The following CBFA2T2 variants were observed in gnomAD, a reference collection of about 807,000 sequenced individuals.
The protein encoded by CBFA2T2 is CBFA2/RUNX1 partner transcriptional co-repressor 2, also known as protein CBFA2T2.
A neutral mutation model predicts 62.2 loss-of-function variants in CBFA2T2; 11 were observed. The ratio of observed to expected loss-of-function variants is 0.18; its 90% CI spans 0.11 to 0.29. The LOEUF (loss-of-function observed/expected upper bound fraction) is 0.29, where lower values mean the gene tolerates loss of function less well. Among genes scored for constraint, CBFA2T2 ranks in the 10% least tolerant of loss-of-function variants. The pLI is 1.00. For missense variants in CBFA2T2, 592 were observed against 774.1 expected, an observed-to-expected ratio of 0.76 and a Z score of 2.79; for synonymous variants, 295 against 287.5, an observed-to-expected ratio of 1.03 and a Z score of -0.27.
At chr20:33,597,248 G>A (rs954993368) in intron 1 of CBFA2T2, among the ~76,000 whole-genome samples, 10 of 151,916 alleles carry the variant, frequency 6.6e-5, no homozygotes, top group African/African-American at 1.9e-4. Context: ...CCTCTATTTT[G>A]TATTTATTTT....
At chr20:33,498,672 C>A (rs573005924) in intron 1 of CBFA2T2, among the ~76,000 whole-genome samples, 1 of 152,158 alleles carries the variant, frequency 6.6e-6, no homozygotes, top group East Asian at 1.9e-4. Context: ...TCGCTTGAGC[C>A]CAGGTGTTGG....
At chr20:33,525,734 C>T (rs1243279410) in intron 1 of CBFA2T2, among the ~76,000 whole-genome samples, 3 of 152,160 alleles carry the variant, frequency 2.0e-5, no homozygotes, top group African/African-American at 7.2e-5. Flanking sequence ...TCATCGCAGC[C>T]TCGACCACCT....
At chr20:33,491,116 G>A (rs1198611167) in intron 1 of CBFA2T2, among the ~76,000 whole-genome samples, 9 of 152,098 alleles carry the variant, frequency 5.9e-5, no homozygotes, top group Non-Finnish European at 1.3e-4. Flanking sequence ...AGATCCTTGG[G>A]GGAGGGGTGG....
intron 1 of CBFA2T2, among the ~76,000 whole-genome samples, chr20:33,556,777 A>G (rs2012907445): frequency 1.3e-5 from 2 of 152,020 alleles, no homozygotes; most frequent in East Asian, 3.9e-4. Context: ...GCATTTACAT[A>G]TTGGCATTCT....
At chr20:33,491,663 T>C (rs1226805769) in intron 1 of CBFA2T2, among the ~76,000 whole-genome samples, 1 of 152,136 alleles carries the variant, frequency 6.6e-6, no homozygotes, top group Non-Finnish European at 1.5e-5. Flanking sequence ...TAGTGATTAC[T>C]CTTTTAGGCT....
intron 1 of CBFA2T2, among the ~76,000 whole-genome samples, chr20:33,556,536 G>C (rs1260073292): frequency 6.6e-6 from 1 of 152,078 alleles, no homozygotes; most frequent in African/African-American, 2.4e-5. Flanking sequence ...AAGTTGTCCT[G>C]TTTTTCATTA....
Position 33,629,861 on chromosome 20 carries a change from C to T in CBFA2T2, c.1175C>T (p.Thr392Ile). Residue 392 changes from threonine (T) to isoleucine (I), a missense_variant, in exon 8 of 11, where the codon ACC (threonine) becomes ATC (isoleucine). Physicochemically the swap from Thr to Ile is moderately conservative, Grantham distance 89 (BLOSUM62 -1). Transcript: ENST00000342704. ...AACACAGAGCTGAGGAAAACGGGGA[C>T]CGAGTTGGTCTCCAGGCAGCACAGC... The part of the protein sequence containing the change: ...NENTELRKTG[T>I]ELVSRQHSPG... 6.2e-7 allele frequency: 1 copy of T among 1,614,072 alleles called. No homozygotes were observed. Among genetic ancestry groups the T allele is most frequent in the Non-Finnish European group, 8.5e-7 (1 of 1,180,012 alleles).
At chr20:33,641,936 T>C (rs941874415) in intron 10 of CBFA2T2, among the ~76,000 whole-genome samples, 1 of 152,082 alleles carries the variant, frequency 6.6e-6, no homozygotes. Flanking sequence ...ATTTCAGTAT[T>C]GTACTGTCAC....
chr20:33,630,082 C>T (rs574402444), intron 8 of CBFA2T2, among the ~76,000 whole-genome samples, 168 bp downstream of exon 8: 85 of 152,122 alleles, frequency 5.6e-4, no homozygotes, highest in Admixed American at 3.5e-3. Flanking sequence ...ATATGAAGCC[C>T]CTGGCATGTT....
intron 3 of CBFA2T2, among the ~76,000 whole-genome samples, chr20:33,612,595 T>TA (rs938329663): frequency 6.6e-6 from 1 of 152,218 alleles, no homozygotes; most frequent in African/African-American, 2.4e-5. Flanking sequence ...TGCAAAATGA[T>TA]AAAACAGTGC....
At chr20:33,641,208 A>G (rs1297676220) in intron 10 of CBFA2T2, among the ~76,000 whole-genome samples, 1 of 151,916 alleles carries the variant, frequency 6.6e-6, no homozygotes, top group Non-Finnish European at 1.5e-5. Flanking sequence ...AATTTTTTGT[A>G]TTTTTAGTAG....
At chr20:33,497,274 C>CAAAAAA (rs34528525) in intron 1 of CBFA2T2, among the ~76,000 whole-genome samples, 28 of 57,976 alleles carry the variant, frequency 4.8e-4, no homozygotes, top group East Asian at 2.4e-3. Context: ...ACCCTGTCTC[C>CAAAAAA]AAAAAAAAAA....
intron 1 of CBFA2T2, among the ~76,000 whole-genome samples, chr20:33,585,460 TTGAA>T (rs1358274325): frequency 6.6e-6 from 1 of 152,222 alleles, no homozygotes; most frequent in African/African-American, 2.4e-5. Context: ...TCGCCAAGTG[TTGAA>T]TGAATGATCC....
rs1376694474 is a variant in CBFA2T2, at chr20:33,624,813, G to A, written c.742G>A (p.Ala248Thr). Residue 248 changes from alanine to threonine, a missense_variant, in exon 6 of 11, where the codon GCC becomes ACC. By Grantham distance (58) the Ala-to-Thr change is moderately conservative. This residue lies in a region of CBFA2T2 where 449 missense variants were observed against 551.2 expected (regional missense o/e 0.81). Coordinates refer to ENST00000342704, the MANE Select transcript of CBFA2T2 (RefSeq NM_001032999.3). ...DRDTIAPEPP[A>T]KRVCTISPAP... ...AGACACAATTGCTCCTGAGCCTCCTGCCAAGAGAGTATGTACCATCAGCCC... is the reference window on the plus strand; with the variant it reads ...AGACACAATTGCTCCTGAGCCTCCTACCAAGAGAGTATGTACCATCAGCCC... The A allele has an allele frequency of 6.2e-7, 1 of 1,614,176 alleles. No individual in the cohort carries two copies. The highest frequency in any genetic ancestry group is 1.1e-5 in the South Asian group (1 of 91,086).
intron 1 of CBFA2T2, among the ~76,000 whole-genome samples, chr20:33,527,732 C>T (rs890649483): frequency 6.6e-6 from 1 of 151,458 alleles, no homozygotes; most frequent in African/African-American, 2.4e-5. Flanking sequence ...TTAGTAGAGA[C>T]AGCGTTTTGC....
chr20:33,582,021 T>C (rs1028814697), intron 1 of CBFA2T2, among the ~76,000 whole-genome samples: 6 of 152,196 alleles, frequency 3.9e-5, no homozygotes, highest in East Asian at 3.8e-4. Flanking sequence ...ATTGTACTTA[T>C]AAGATTCAGC....
chr20:33,526,812 TGA>T (rs539614534), intron 1 of CBFA2T2, among the ~76,000 whole-genome samples: 136 of 152,344 alleles, frequency 8.9e-4, no homozygotes, highest in Admixed American at 2.0e-3. Flanking sequence ...AAGACAACTC[TGA>T]GAGGAAGTTA....
intron 1 of CBFA2T2, among the ~76,000 whole-genome samples, chr20:33,536,457 C>T (rs1469195719): frequency 1.4e-5 from 2 of 148,026 alleles, no homozygotes; most frequent in Non-Finnish European, 1.5e-5. Flanking sequence ...CCGGACGGGG[C>T]GGCTGGCCTG....
At chr20:33,589,009 T>C (rs552469625) in intron 1 of CBFA2T2, among the ~76,000 whole-genome samples, 14 of 152,048 alleles carry the variant, frequency 9.2e-5, no homozygotes, top group Non-Finnish European at 1.8e-4. Context: ...CATAAATACA[T>C]CCCTTCCCCT....
Sources: allele counts gnomAD v4.1 joint callset (sites outside exome capture counted in the v4.1 genomes callset), GRCh38; gene constraint gnomAD v4.1.1; regional missense constraint gnomAD v4.1.1; transcripts MANE v1.5; gene names NCBI Gene and HGNC (gene_info 2026-07-23, HGNC 2026-07-21).